Variants in BDKRB2 observed in about 807,000 individuals in gnomAD.
The protein encoded by BDKRB2 is bradykinin receptor B2, also known as B2 bradykinin receptor.
Under a neutral mutation model 4.0 loss-of-function variants are expected in BDKRB2, and 6 were observed. That is an observed-to-expected ratio of 1.49 (90% confidence interval 0.81 to 2.93). The LOEUF (loss-of-function observed/expected upper bound fraction) is 2.93. BDKRB2 is among the 30% of genes most tolerant of loss of function. BDKRB2 has a pLI of 0.00. For missense variants in BDKRB2, 478 were observed against 520.1 expected (o/e 0.92, Z 0.79); for synonymous variants, 225 against 215.3 (o/e 1.05, Z -0.40).
chr14:96,235,812 C>T (rs994437216), intron 1 of BDKRB2, among the ~76,000 whole-genome samples: 1 of 140,356 alleles, frequency 7.1e-6, no homozygotes, highest in Non-Finnish European at 1.6e-5. Flanking sequence ...CATACCCACA[C>T]ATGCACACAC....
chr14:96,240,192 C>A (rs758755298), intron 2 of BDKRB2: 2 of 1,288,558 alleles, frequency 1.6e-6, no homozygotes, highest in East Asian at 2.8e-5. Flanking sequence ...GAACATGAGG[C>A]CCCCGTTTAG....
At chr14:96,220,383 C>T (rs554467766) in intron 1 of BDKRB2, among the ~76,000 whole-genome samples, 2 of 152,220 alleles carry the variant, frequency 1.3e-5, no homozygotes, top group South Asian at 2.1e-4. Flanking sequence ...TTCCTAGGCA[C>T]GAGCTTATCC....
chr14:96,230,011 G>T (rs1890782023), intron 1 of BDKRB2, among the ~76,000 whole-genome samples: 2 of 151,850 alleles, frequency 1.3e-5, no homozygotes, highest in Non-Finnish European at 2.9e-5. Context: ...GCGGGCGCCT[G>T]TAGTACCAAC....
At position 96,241,510 on chromosome 14, in the gene BDKRB2, C is replaced by A. The variant is rs201405339; in HGVS notation, c.*6C>A. On this transcript the variant is annotated 3_prime_UTR_variant, in exon 3 of 3. Transcript: ENST00000554311. Reference sequence around the variant, plus strand: ...GGGCAGGGAGCAGACAGTGAGCAAACGCCAGCAGGGCTGCTGTGAATTTGT... The same window carrying A: ...GGGCAGGGAGCAGACAGTGAGCAAAAGCCAGCAGGGCTGCTGTGAATTTGT... 3 of 1,516,086 alleles carry A rather than the reference C, an allele frequency of 2.0e-6. No individual in the cohort carries two copies. Among genetic ancestry groups the A allele is most frequent in the South Asian group, 1.3e-5 (1 of 76,518 alleles). The allele number at this position is 1,516,086 out of a possible 1,614,324, so 93.9% of individuals were successfully genotyped here.
intron 2 of BDKRB2, chr14:96,239,217 G>A: frequency 2.0e-6 from 2 of 984,772 alleles, no homozygotes; most frequent in Non-Finnish European, 2.4e-6. Context: ...GTTGTGCTTT[G>A]GACTTTTCAG....
At chr14:96,217,423 G>A (rs1162709164) in intron 1 of BDKRB2, among the ~76,000 whole-genome samples, 2 of 152,196 alleles carry the variant, frequency 1.3e-5, no homozygotes, top group African/African-American at 4.8e-5. Context: ...CCCTAGAGAT[G>A]GGGAAACTGA....
chr14:96,240,469 C>T lies in BDKRB2; in HGVS notation c.141C>T (p.Cys47=), dbSNP rs201100139. 1.2e-4 allele frequency: 180 copies of T among 1,518,738 alleles called. No individual in the cohort carries two copies. The highest frequency in any genetic ancestry group is 3.5e-4 in the Middle Eastern group (2 of 5,638). 94.1% of individuals were successfully genotyped at this position (1,518,738 alleles called of 1,614,324 possible). A position where few individuals can be genotyped will look rare whatever the true frequency, so the allele number is the denominator to read the frequency against. The change falls in exon 3 of 3, where the codon TGC becomes TGT. Residue 47 remains cysteine, a synonymous_variant. Transcript: ENST00000554311. ...TLNGTFAQSK[C]PQVEWLGWLN... ...ACGGGACCTTTGCCCAGAGCAAATG[C>T]CCCCAAGTGGAGTGGCTGGGCTGGC...
In BDKRB2 at chr14:96,206,404, G is replaced by A. The variant is rs1429766423; in HGVS notation, c.-40+1445G>A. 9.2e-5 allele frequency among the ~76,000 whole-genome samples: 14 copies of A among 152,214 alleles called. No individual in the cohort carries two copies. In the East Asian group the frequency reaches 2.1e-3, roughly 23 times the overall value. On this transcript the variant is annotated intron_variant, in intron 1 of 2. Transcript: ENST00000554311. ...GGAACATGACCTCAGCCAGCCCTTC[G>A]CTCAGTGTCCAGGGAAATGCCTCAA...
intron 1 of BDKRB2, among the ~76,000 whole-genome samples, chr14:96,211,758 A>G (rs1177097377): frequency 7.2e-5 from 11 of 152,066 alleles, no homozygotes; most frequent in African/African-American, 2.4e-4. Context: ...AGGGCAAGAG[A>G]TGTGGTCTCT....
At position 96,230,930 on chromosome 14, in the gene BDKRB2, T is replaced by A. The variant is rs1004448930; in HGVS notation, c.-39-6139T>A. Among the ~76,000 whole-genome samples, 8 of 149,730 alleles carry A rather than the reference T, an allele frequency of 5.3e-5. No homozygotes were observed. The East Asian group carries it at 1.3e-3, about 24-fold the overall frequency. Reference sequence around the variant, plus strand: ...AGCACCCAGCCTAGTTATTTATTTATTTATTTTTTTTTTAAAGAGAGAGAT... The same window carrying A: ...AGCACCCAGCCTAGTTATTTATTTAATTATTTTTTTTTTAAAGAGAGAGAT... On this transcript the variant is annotated intron_variant, in intron 1 of 2. Transcript: ENST00000554311.
At chr14:96,239,836 C>T (rs1885224889) in intron 2 of BDKRB2, 3 of 985,332 alleles carry the variant, frequency 3.0e-6, no homozygotes, top group Admixed American at 6.1e-5. Flanking sequence ...ATCCTCCAAT[C>T]ATCTTCAGTG....
At chr14:96,238,235 C>A in intron 2 of BDKRB2, 2 of 513,096 alleles carry the variant, frequency 3.9e-6, no homozygotes, top group Non-Finnish European at 5.0e-6. Context: ...CAAGTTGGTT[C>A]CCCCCATGTG....
rs1160049169 is a variant in BDKRB2 at position 96,222,230 on chromosome 14, GA to G, written c.-39-14838del. Reference sequence around the variant, plus strand: ...GACCCACACGTGGGGCAGGGGCCTGGAGCTTCGGTGCTGTCTCTGGGGGCAC... The same window carrying G: ...GACCCACACGTGGGGCAGGGGCCTGGGCTTCGGTGCTGTCTCTGGGGGCAC... On this transcript the variant is annotated intron_variant, in intron 1 of 2. Transcript: ENST00000554311. 3.3e-5 allele frequency among the ~76,000 whole-genome samples: 5 copies of G among 152,128 alleles called. 1 individual carries two copies. Among genetic ancestry groups the G allele is most frequent in the African/African-American group, 1.2e-4 (5 of 41,378 alleles).
chr14:96,237,274 C>G, intron 2 of BDKRB2, 93 bp downstream of exon 2: 1 of 1,207,244 alleles, frequency 8.3e-7, no homozygotes, highest in South Asian at 1.3e-5. Flanking sequence ...ATGCCCCGGA[C>G]AACAGTTGAA....
chr14:96,215,413 G>C (rs995032150), intron 1 of BDKRB2, among the ~76,000 whole-genome samples: 1 of 151,224 alleles, frequency 6.6e-6, no homozygotes, highest in East Asian at 1.9e-4. Context: ...GCATGATGAG[G>C]AACATCTCTG....
intron 2 of BDKRB2, chr14:96,239,464 C>T: frequency 1.0e-6 from 1 of 985,376 alleles, no homozygotes; most frequent in Non-Finnish European, 1.2e-6. Context: ...AAGGTGCCTG[C>T]CCTATGGTCT....
intron 1 of BDKRB2, among the ~76,000 whole-genome samples, chr14:96,207,251 T>C (rs1390236907): frequency 1.3e-5 from 2 of 152,138 alleles, no homozygotes; most frequent in Non-Finnish European, 2.9e-5. Flanking sequence ...CAGTGTTTGC[T>C]GAAATGCTGA....
chr14:96,240,408 A>G lies in BDKRB2; in HGVS notation c.80A>G (p.Asp27Gly), dbSNP rs199704308. 6.3e-6 allele frequency: 9 copies of G among 1,439,622 alleles called. No homozygotes were observed. The highest frequency in any genetic ancestry group is 8.2e-6 in the Non-Finnish European group (9 of 1,093,212). The allele number at this position is 1,439,622 out of a possible 1,614,324, so 89.2% of individuals were successfully genotyped here. The change falls in exon 3 of 3, where the codon GAC becomes GGC. Residue 27 changes from aspartate to glycine, a missense_variant. Coordinates refer to ENST00000554311, the MANE Select transcript of BDKRB2 (RefSeq NM_001379692.1). Reference protein sequence around the residue: ...SVPTTASFSADMLNVTLQGPT... With the variant: ...SVPTTASFSAGMLNVTLQGPT... ...TCTTTTCCACTTTCTTTCAGCGCCG[A>G]CATGCTCAATGTCACCTTGCAAGGG...
At chr14:96,214,469 A>G (rs558749597) in intron 1 of BDKRB2, among the ~76,000 whole-genome samples, 1 of 152,202 alleles carries the variant, frequency 6.6e-6, no homozygotes, top group East Asian at 1.9e-4. Context: ...TTATCCCACA[A>G]GCGGGGACCT....
Sources: allele counts gnomAD v4.1 joint callset (sites outside exome capture counted in the v4.1 genomes callset), GRCh38; gene constraint gnomAD v4.1.1; transcripts MANE v1.5; gene names NCBI Gene and HGNC (gene_info 2026-07-23, HGNC 2026-07-21).